Variants in EXOC3L4 observed in about 807,000 individuals in gnomAD.
The protein encoded by EXOC3L4 is exocyst complex component 3 like 4.
In EXOC3L4, 62 loss-of-function variants were observed where a neutral mutation model predicts 69.7. That is an observed-to-expected ratio of 0.89 (90% CI 0.72 to 1.10). The LOEUF (loss-of-function observed/expected upper bound fraction) is 1.10. EXOC3L4 is among the 50% of genes least tolerant of loss of function. The probability of loss-of-function intolerance (pLI) is 0.00; values close to 1 mark genes in which losing one functional copy is unlikely to be tolerated. For missense variants in EXOC3L4, 1,087 were observed against 1,034.8 expected (o/e 1.05, Z -0.69); for synonymous variants, 502 against 464.2 (o/e 1.08, Z -1.05).
chr14:103,108,580 T>C, intron 11 of EXOC3L4, 63 bp downstream of exon 11: 3 of 1,584,900 alleles, frequency 1.9e-6, no homozygotes, highest in South Asian at 1.2e-5. Flanking sequence ...GGGGCTGGTA[T>C]TGGAGCAACC....
rs1398353838 is a variant in EXOC3L4, at chr14:103,104,341, G to A, written c.1236G>A (p.Glu412=). 1.3e-6 allele frequency: 2 copies of A among 1,591,296 alleles called. No individual in the cohort carries two copies. Among genetic ancestry groups the A allele is most frequent in the Non-Finnish European group, 1.7e-6 (2 of 1,170,438 alleles). Residue 412 remains glutamate (E), a synonymous_variant, in exon 5 of 12, where the codon GAG becomes GAA. Coordinates refer to ENST00000688303, the MANE Select transcript of EXOC3L4 (RefSeq NM_001077594.2). ...QSHWAAAEVP[E]VLQGLYQAPL... Reference sequence around the variant, plus strand: ...ACTGGGCGGCCGCCGAGGTCCCCGAGGTGCTGCAGGGCCTCTACCAGGCGC... The same window carrying A: ...ACTGGGCGGCCGCCGAGGTCCCCGAAGTGCTGCAGGGCCTCTACCAGGCGC...
At chr14:103,095,436 G>T (rs576688722) in intron 1 of EXOC3L4, among the ~76,000 whole-genome samples, 4 of 152,350 alleles carry the variant, frequency 2.6e-5, no homozygotes, top group South Asian at 2.1e-4. Flanking sequence ...GTCCGGGAAG[G>T]CTTCTTGGGG....
rs776619848 is a variant in EXOC3L4, at chr14:103,104,722, G to A, written c.1285-16G>A. The A allele has an allele frequency of 3.8e-5, 56 of 1,487,230 alleles. No homozygotes were observed. The African/African-American group carries it at 6.7e-4, about 18-fold the overall frequency. 92.1% of individuals were successfully genotyped at this position (1,487,230 alleles called of 1,614,324 possible). On this transcript the variant is annotated splice_polypyrimidine_tract_variant and intron_variant, in intron 5 of 11. Coordinates refer to ENST00000688303, the MANE Select transcript of EXOC3L4 (RefSeq NM_001077594.2). ...GGGGGCTGGGAGGCACGCTCAGTGCGGGGCTTCGCTCGCAGCTCGTGGCCG... is the reference window on the plus strand; with the variant it reads ...GGGGGCTGGGAGGCACGCTCAGTGCAGGGCTTCGCTCGCAGCTCGTGGCCG...
chr14:103,098,302 G>A (rs543299512), intron 1 of EXOC3L4, among the ~76,000 whole-genome samples: 1 of 152,140 alleles, frequency 6.6e-6, no homozygotes, highest in Admixed American at 6.5e-5. Context: ...TCTCCGCCGG[G>A]AGGGGAGCTT....
intron 1 of EXOC3L4, 73 bp from the exon 2 acceptor site, chr14:103,100,131 G>C (rs924989510): frequency 7.0e-7 from 1 of 1,419,308 alleles, no homozygotes; most frequent in Non-Finnish European, 9.3e-7. Context: ...CAAGCCCCTG[G>C]GTGTGGCCAG....
At position 103,107,426 on chromosome 14, in the gene EXOC3L4, G is replaced by A. The variant is rs374105891; in HGVS notation, c.1584G>A (p.Pro528=). 1.7e-5 allele frequency: 27 copies of A among 1,613,278 alleles called. No homozygotes were observed. Among genetic ancestry groups the A allele is most frequent in the Middle Eastern group, 1.7e-4 (1 of 6,058 alleles). ...LLQGLQRELQ[P]LFRVVCTRDW... is the part of the protein sequence containing the mutation. ...ACTCCCAGCCCCTCTGTCCCCAGCC[G>A]CTCTTCAGGGTTGTGTGCACCAGGG... The change falls in exon 9 of 12, where the codon CCG becomes CCA. Residue 528 remains proline (P), a splice_region_variant and synonymous_variant. Transcript: ENST00000688303.
upstream of EXOC3L4, among the ~76,000 whole-genome samples, chr14:103,094,572 G>A (rs1368492075): frequency 7.1e-6 from 1 of 140,080 alleles, no homozygotes; most frequent in African/African-American, 3.2e-5. Flanking sequence ...GAGCTGTCTG[G>A]AATGGAAAGC....
At chr14:103,098,175 T>G (rs74083806) in intron 1 of EXOC3L4, among the ~76,000 whole-genome samples, 2,454 of 152,212 alleles carry the variant, frequency 0.016, 65 homozygotes, top group African/African-American at 0.053. Context: ...TCTGCCTATG[T>G]AACCTCCTAA....
upstream of EXOC3L4, among the ~76,000 whole-genome samples, chr14:103,094,185 T>G (rs934954703): frequency 6.6e-6 from 1 of 152,154 alleles, no homozygotes; most frequent in African/African-American, 2.4e-5. Flanking sequence ...CTTCTGAGTG[T>G]GTCCTGTCTG....
intron 2 of EXOC3L4, among the ~76,000 whole-genome samples, chr14:103,101,396 G>GC (rs796405261): frequency 6.6e-5 from 10 of 152,260 alleles, no homozygotes; most frequent in South Asian, 2.1e-4. Flanking sequence ...TGCAATGGGA[G>GC]CCCCCCCATT....
chr14:103,098,909 C>T (rs774567432), intron 1 of EXOC3L4: 1 of 152,164 alleles, frequency 6.6e-6, no homozygotes, highest in Non-Finnish European at 1.5e-5. Flanking sequence ...CTCTGGGAAC[C>T]TCAAGGAAGG....
intron 7 of EXOC3L4, 106 bp from the exon 8 acceptor site, chr14:103,106,679 G>A: frequency 1.5e-6 from 1 of 652,680 alleles, no homozygotes; most frequent in Non-Finnish European, 2.6e-6. Context: ...AGCCCCACGG[G>A]CTGCCCTTCA....
At chr14:103,103,646 T>G (rs1317986550) in intron 3 of EXOC3L4, 2 of 360,396 alleles carry the variant, frequency 5.5e-6, no homozygotes, top group Non-Finnish European at 5.0e-6. Context: ...GTGCTGCGGG[T>G]TGGAGGGTGG....
intron 3 of EXOC3L4, 170 bp from the exon 4 acceptor site, chr14:103,103,771 G>A (rs1234327676): frequency 1.9e-6 from 1 of 531,594 alleles, no homozygotes. Flanking sequence ...GAGGGGGTGT[G>A]GCATGGCAGC....
Position 103,100,125 on chromosome 14 carries a change from C to G in EXOC3L4, c.-16-79C>G, listed in dbSNP as rs1208730643. 3.5e-6 allele frequency: 5 copies of G among 1,408,522 alleles called. No homozygotes were observed. In the South Asian group the frequency reaches 4.6e-5, roughly 13 times the overall value. 87.3% of individuals were successfully genotyped at this position (1,408,522 alleles called of 1,614,324 possible). A position where few individuals can be genotyped will look rare whatever the true frequency, so the allele number is the denominator to read the frequency against. On this transcript the variant is annotated intron_variant, in intron 1 of 11. Transcript: ENST00000688303. Reference sequence around the variant, plus strand: ...CTCTGGAGAGCCTTCCTTGACCAAGCCCCTGGGTGTGGCCAGGCCCCACAG... The same window carrying G: ...CTCTGGAGAGCCTTCCTTGACCAAGGCCCTGGGTGTGGCCAGGCCCCACAG...
In EXOC3L4 at chr14:103,107,771, C is replaced by T. The variant is rs758173863; in HGVS notation, c.1842C>T (p.Thr614=). The T allele has an allele frequency of 7.5e-5, 114 of 1,524,846 alleles. No homozygotes were observed. The highest frequency in any genetic ancestry group is 2.9e-4 in the Admixed American group (14 of 48,552). 94.5% of individuals were successfully genotyped at this position (1,524,846 alleles called of 1,614,324 possible). Residue 614 remains threonine, a synonymous_variant, in exon 10 of 12, where the codon ACC becomes ACT. Coordinates refer to ENST00000688303, the MANE Select transcript of EXOC3L4 (RefSeq NM_001077594.2). ...MSLDAQAISD[T]FQGLGSEATW... is the part of the protein sequence containing the mutation. ...TGGATGCCCAGGCCATCAGCGACAC[C>T]TTCCAGGGCCTGGTAGGGGCGGCAT... is the stretch of plus-strand genomic sequence containing the variant.
chr14:103,107,721 A>G lies in EXOC3L4; in HGVS notation c.1792A>G (p.Met598Val), dbSNP rs369838155. Residue 598 changes from methionine (M) to valine (V), a missense_variant, in exon 10 of 12, where the codon ATG (methionine) becomes GTG (valine). Coordinates refer to ENST00000688303, the MANE Select transcript of EXOC3L4 (RefSeq NM_001077594.2). ...GGAGCGGTTCCGGGGCATGGAGCGC[A>G]TGCATGGCTCCCAGAAGATGAGCCT... ...PRERFRGMER[M>V]HGSQKMSLDA... 2 of 1,551,250 alleles carry G rather than the reference A, an allele frequency of 1.3e-6. No individual in the cohort carries two copies. Among genetic ancestry groups the G allele is most frequent in the African/African-American group, 1.4e-5 (1 of 73,412 alleles).
chr14:103,102,644 A>C lies in EXOC3L4; in HGVS notation c.921A>C (p.Pro307=), dbSNP rs77071436. The part of the protein sequence containing the change: ...VQPAYAAAGF[P]AWEVYLRAFH... ...CCGCGTATGCGGCGGCCGGCTTCCC[A>C]GCGTGGGAGGTCTATCTGCGTGCCT... The change falls in exon 3 of 12, where the codon CCA becomes CCC. Residue 307 remains proline (P), a synonymous_variant. Transcript: ENST00000688303. 0.24 allele frequency: 352,383 copies of C among 1,497,864 alleles called. 42,755 individuals are homozygous for C. Among genetic ancestry groups the C allele is most frequent in the South Asian group, 0.26 (20,574 of 79,238 alleles). The allele number at this position is 1,497,864 out of a possible 1,614,324, so 92.8% of individuals were successfully genotyped here.
Position 103,110,466 on chromosome 14 carries a change from C to CG in EXOC3L4, c.*252dup, listed in dbSNP as rs11355422. On this transcript the variant is annotated 3_prime_UTR_variant, in exon 12 of 12. Coordinates refer to ENST00000688303, the MANE Select transcript of EXOC3L4 (RefSeq NM_001077594.2). ...AGAGCTCTCAATGCTGCCTATCGGG[C>CG]GGGGGGGGGCCTCCCGCCCGACTGT... 1.1e-3 allele frequency: 644 copies of CG among 574,088 alleles called. 2 individuals carry two copies. The highest frequency in any genetic ancestry group is 4.7e-3 in the South Asian group (287 of 60,548). The allele number at this position is 574,088 out of a possible 1,614,324, so 35.6% of individuals were successfully genotyped here.
Sources: allele counts gnomAD v4.1 joint callset (sites outside exome capture counted in the v4.1 genomes callset), GRCh38; gene constraint gnomAD v4.1.1; transcripts MANE v1.5; gene names NCBI Gene and HGNC (gene_info 2026-07-23, HGNC 2026-07-21).